The following CMIP variants were observed in gnomAD, a reference collection of about 807,000 sequenced individuals.
CMIP encodes C-Maf-inducing protein.
CMIP carries 13 observed loss-of-function variants against 97.3 expected under a neutral mutation model. The observed-to-expected ratio is 0.13, with a 90% CI of 0.09 to 0.21. The LOEUF (loss-of-function observed/expected upper bound fraction) is 0.21. CMIP is among the 10% of genes least tolerant of loss of function. The pLI is 1.00. For synonymous variants in CMIP, 538 were observed against 436.3 expected (o/e 1.23, Z -2.91); for missense variants, 847 against 1,024.9 (o/e 0.83, Z 2.37).
rs1376757756 is a variant in CMIP at position 81,473,812 on chromosome 16, T to A, written c.300+28271T>A. On this transcript the variant is annotated intron_variant, in intron 1 of 20. Coordinates refer to ENST00000537098, the MANE Select transcript of CMIP (RefSeq NM_198390.3). ...GTGTTTTACTTGGCCCACACAGTGG[T>A]TTTTTTTTTTTTTTTTTTTCTTAAA... Among the ~76,000 whole-genome samples, 8 of 54,660 alleles carry A rather than the reference T, an allele frequency of 1.5e-4. No homozygotes were observed. In the East Asian group the frequency reaches 4.8e-3, roughly 33 times the overall value. The allele number at this position is 54,660 out of a possible 152,430, so 35.9% of individuals were successfully genotyped here.
At chr16:81,692,538 C>T (rs1567666547) in intron 11 of CMIP, among the ~76,000 whole-genome samples, 1 of 152,184 alleles carries the variant, frequency 6.6e-6, no homozygotes, top group Non-Finnish European at 1.5e-5. Context: ...TCGAAGGAGC[C>T]GATTACCAAG....
At chr16:81,701,563 G>C in intron 15 of CMIP, 97 bp from the exon 16 acceptor site, 1 of 1,550,112 alleles carries the variant, frequency 6.5e-7, no homozygotes, top group Non-Finnish European at 8.9e-7. Flanking sequence ...GGATAGTGGG[G>C]TTGCTGGTTT....
chr16:81,543,153 G>A (rs1236305397), intron 1 of CMIP, among the ~76,000 whole-genome samples: 1 of 152,218 alleles, frequency 6.6e-6, no homozygotes, highest in Non-Finnish European at 1.5e-5. Context: ...GTGTGGCCTT[G>A]AAGTTGCTTC....
At chr16:81,660,821 T>G in intron 5 of CMIP, 63 bp from the exon 6 acceptor site, 1 of 1,574,140 alleles carries the variant, frequency 6.4e-7, no homozygotes, top group Non-Finnish European at 8.7e-7. Flanking sequence ...GCCTGGAGAT[T>G]GTTCGAAGTC....
chr16:81,498,506 G>A (rs982695925), intron 1 of CMIP, among the ~76,000 whole-genome samples: 3 of 152,196 alleles, frequency 2.0e-5, no homozygotes, highest in Non-Finnish European at 4.4e-5. Flanking sequence ...GCTTTCTCAC[G>A]GGGGTTATCA....
intron 1 of CMIP, among the ~76,000 whole-genome samples, chr16:81,595,282 T>G (rs189161623): frequency 2.6e-5 from 4 of 152,276 alleles, no homozygotes; most frequent in African/African-American, 9.6e-5. Flanking sequence ...ACTGTCTGTC[T>G]CTATGGATTT....
rs1278208911 is a variant in CMIP at position 81,569,587 on chromosome 16, G to A, written c.301-37980G>A. Among the ~76,000 whole-genome samples the A allele has an allele frequency of 2.6e-5, 4 of 152,340 alleles. No individual in the cohort carries two copies. The East Asian group carries it at 5.8e-4, about 22-fold the overall frequency. Reference sequence around the variant, plus strand: ...GAGGCAAGCGGGCCAGAGAGAGGCGGCAGCAACTTTCTGACAGGTGCCGGG... The same window carrying A: ...GAGGCAAGCGGGCCAGAGAGAGGCGACAGCAACTTTCTGACAGGTGCCGGG... On this transcript the variant is annotated intron_variant, in intron 1 of 20. Coordinates refer to ENST00000537098, the MANE Select transcript of CMIP (RefSeq NM_198390.3).
chr16:81,570,268 C>T (rs1293981307), intron 1 of CMIP, among the ~76,000 whole-genome samples: 2 of 152,132 alleles, frequency 1.3e-5, no homozygotes, highest in African/African-American at 4.8e-5. Context: ...GGTCGTGGAC[C>T]TTCCAAAAGC....
At position 81,611,054 on chromosome 16, in the gene CMIP, C is replaced by G. The variant is rs534759284; in HGVS notation, c.426+3362C>G. ...TGAGTGAAAGTGCCTTAAATGGTGC[C>G]GCCCGGCACAGCCACCAGCAGCCAC... is the stretch of plus-strand genomic sequence containing the variant. On this transcript the variant is annotated intron_variant, in intron 2 of 20. Transcript: ENST00000537098. Among the ~76,000 whole-genome samples the G allele has an allele frequency of 4.6e-5, 7 of 152,226 alleles. No homozygotes were observed. The South Asian group carries it at 1.5e-3, about 32-fold the overall frequency.
chr16:81,525,643 A>G (rs1033103570), intron 1 of CMIP, among the ~76,000 whole-genome samples: 3 of 152,174 alleles, frequency 2.0e-5, no homozygotes, highest in African/African-American at 7.2e-5. Flanking sequence ...GGCCTAGCCA[A>G]TCATTTTTAA....
Position 81,445,364 on chromosome 16 carries a change from C to T in CMIP, c.123C>T (p.Arg41=), listed in dbSNP as rs778701000. The change falls in exon 1 of 21, where the codon CGC becomes CGT. Residue 41 remains arginine, a synonymous_variant. Transcript: ENST00000537098. The part of the protein sequence containing the change: ...EGTKMGAVPC[R]RALLLCNGMR... ...CGAAGATGGGCGCCGTGCCCTGCCGCCGGGCTCTTCTGCTTTGCAACGGGA... is the reference window on the plus strand; with the variant it reads ...CGAAGATGGGCGCCGTGCCCTGCCGTCGGGCTCTTCTGCTTTGCAACGGGA... The T allele has an allele frequency of 2.5e-6, 4 of 1,603,868 alleles. No homozygotes were observed. In the South Asian group the frequency reaches 4.5e-5, roughly 18 times the overall value.
chr16:81,480,519 GAC>G (rs1908194892), intron 1 of CMIP, among the ~76,000 whole-genome samples: 1 of 152,178 alleles, frequency 6.6e-6, no homozygotes, highest in African/African-American at 2.4e-5. Flanking sequence ...CAGCCTGGGC[GAC>G]AGAGTGAGAC....
In CMIP at chr16:81,701,219, C is replaced by T. The variant is rs866372311; in HGVS notation, c.1756-441C>T. On this transcript the variant is annotated intron_variant, in intron 15 of 20. Transcript: ENST00000537098. The stretch of plus-strand genomic sequence containing the variant: ...GAGCCACATGTGCAGTCATGAGGCC[C>T]TCTAGGAAGCTGTGTGGTAGATGGG... Among the ~76,000 whole-genome samples, 3 of 152,166 alleles carry T rather than the reference C, an allele frequency of 2.0e-5. No individual in the cohort carries two copies. In the South Asian group the frequency reaches 6.2e-4, roughly 31 times the overall value.
chr16:81,521,122 T>G (rs1255048101), intron 1 of CMIP, among the ~76,000 whole-genome samples: 1 of 152,186 alleles, frequency 6.6e-6, no homozygotes. Flanking sequence ...GAGGAGGGCT[T>G]TTATACCAAA....
At chr16:81,476,376 A>G in intron 1 of CMIP, 3 of 1,229,554 alleles carry the variant, frequency 2.4e-6, no homozygotes, top group Non-Finnish European at 3.6e-6. Flanking sequence ...AGGAACCCTT[A>G]TAACCAACTC....
At chr16:81,496,565 C>T (rs1050824741) in intron 1 of CMIP, among the ~76,000 whole-genome samples, 1 of 152,326 alleles carries the variant, frequency 6.6e-6, no homozygotes. Context: ...GAATGGATGA[C>T]GATGTCTCAA....
At position 81,652,208 on chromosome 16, in the gene CMIP, G is replaced by T. The variant is rs1454676378; in HGVS notation, c.483G>T (p.Lys161Asn). 6.2e-7 allele frequency: 1 copy of T among 1,612,472 alleles called. No individual in the cohort carries two copies. ...QWFHSLQWKK[K>N]IYKYKKVLSN... Reference sequence around the variant, plus strand: ...TCTTTATCTCTTTCAACCAGAAAAAGATTTACAAATATAAGAAAGTGCTGA... The same window carrying T: ...TCTTTATCTCTTTCAACCAGAAAAATATTTACAAATATAAGAAAGTGCTGA... The change falls in exon 4 of 21, where the codon AAG becomes AAT. Residue 161 changes from lysine (K) to asparagine (N), a missense_variant. Physicochemically the swap from Lys to Asn is moderately conservative, Grantham distance 94 (BLOSUM62 0). Coordinates refer to ENST00000537098, the MANE Select transcript of CMIP (RefSeq NM_198390.3). The surrounding 1 kb of genome is among the most constrained non-coding windows in gnomAD (Gnocchi z 5.2).
intron 10 of CMIP, among the ~76,000 whole-genome samples, chr16:81,680,050 G>A (rs1478383080): frequency 2.0e-5 from 3 of 152,206 alleles, no homozygotes; most frequent in Non-Finnish European, 4.4e-5. Context: ...GCTGCATGTG[G>A]TTGCTGGACC....
Position 81,703,572 on chromosome 16 carries a change from C to T in CMIP, c.1945-367C>T, listed in dbSNP as rs562402882. Among the ~76,000 whole-genome samples the T allele has an allele frequency of 7.3e-5, 11 of 151,360 alleles. No individual in the cohort carries two copies. The East Asian group carries it at 2.1e-3, about 29-fold the overall frequency. On this transcript the variant is annotated intron_variant, in intron 17 of 20. Coordinates refer to ENST00000537098, the MANE Select transcript of CMIP (RefSeq NM_198390.3). ...ACACATGCATACACAAACGTGCACA[C>T]AGACACACACAGATATACACACATA...
Sources: allele counts gnomAD v4.1 joint callset (sites outside exome capture counted in the v4.1 genomes callset), GRCh38; gene constraint gnomAD v4.1.1; non-coding constraint Gnocchi (gnomAD v3.1); transcripts MANE v1.5; gene names NCBI Gene and HGNC (gene_info 2026-07-23, HGNC 2026-07-21).